The following ERBB4 variants were observed in gnomAD, a reference collection of about 807,000 sequenced individuals.
The protein encoded by ERBB4 is erb-b2 receptor tyrosine kinase 4, also known as receptor tyrosine-protein kinase erbB-4.
A neutral mutation model predicts 158.0 loss-of-function variants in ERBB4; 42 were observed. That is an observed-to-expected ratio of 0.27 (90% CI 0.21 to 0.34). The LOEUF is 0.34. ERBB4 is among the 10% of genes least tolerant of loss of function. The pLI, the probability that ERBB4 is intolerant of heterozygous loss-of-function variation, is 1.00. For missense variants in ERBB4, 1,333 were observed against 1,624.1 expected (o/e 0.82, Z 3.08); for synonymous variants, 583 against 558.7 (o/e 1.04, Z -0.61).
chr2:212,140,087 T>C (rs1374626345), intron 1 of ERBB4, among the ~76,000 whole-genome samples: 1 of 151,712 alleles, frequency 6.6e-6, no homozygotes, highest in Non-Finnish European at 1.5e-5. Context: ...AGTCAAATAA[T>C]GACTATAGAA....
chr2:211,702,319 TAC>T (rs1337955264), intron 11 of ERBB4, among the ~76,000 whole-genome samples, 153 bp from the exon 12 acceptor site: 1 of 152,218 alleles, frequency 6.6e-6, no homozygotes, highest in Admixed American at 6.5e-5. Context: ...ACATGCTATA[TAC>T]AGTTTTTAAA....
At chr2:212,375,129 A>G (rs1315777894) in intron 1 of ERBB4, among the ~76,000 whole-genome samples, 1 of 152,038 alleles carries the variant, frequency 6.6e-6, no homozygotes, top group Non-Finnish European at 1.5e-5. Flanking sequence ...CATTACTCTA[A>G]TAAAGCTTAC....
chr2:211,678,915 C>T (rs2072216651), intron 13 of ERBB4, 137 bp downstream of exon 13: 5 of 770,528 alleles, frequency 6.5e-6, no homozygotes, highest in Admixed American at 3.1e-5. Flanking sequence ...TGCAGTGAGC[C>T]GAGATCGTGC....
intron 3 of ERBB4, among the ~76,000 whole-genome samples, chr2:211,855,078 GCT>G (rs768883380): frequency 1.3e-5 from 2 of 151,736 alleles, no homozygotes; most frequent in East Asian, 1.9e-4. Context: ...ACTTTAATTT[GCT>G]TTTTTTTCTG....
At chr2:212,426,974 GT>G (rs1239360032) in intron 1 of ERBB4, among the ~76,000 whole-genome samples, 2 of 152,100 alleles carry the variant, frequency 1.3e-5, no homozygotes, top group Non-Finnish European at 2.9e-5. Flanking sequence ...TACAGGATAA[GT>G]TTTAAAAATG....
chr2:211,508,945 A>ACAAAC (rs112790919), intron 20 of ERBB4, among the ~76,000 whole-genome samples: 2 of 148,906 alleles, frequency 1.3e-5, no homozygotes, highest in Non-Finnish European at 2.9e-5. Context: ...AAACAAACAA[A>ACAAAC]AAAACAAAAC....
intron 1 of ERBB4, among the ~76,000 whole-genome samples, chr2:212,295,486 G>A (rs10932429): frequency 0.52 from 79,208 of 151,924 alleles, 25,061 homozygotes; most frequent in East Asian, 0.83. Flanking sequence ...AAAAGAAAAC[G>A]TATGCATATG....
At chr2:211,869,843 G>A (rs2078298818) in intron 3 of ERBB4, among the ~76,000 whole-genome samples, 2 of 152,022 alleles carry the variant, frequency 1.3e-5, no homozygotes, top group African/African-American at 4.8e-5. Flanking sequence ...ACTCTCAACA[G>A]AAGTTTCTTC....
In ERBB4 at chr2:212,154,635, G is replaced by A. The variant is rs116436605; in HGVS notation, c.83-29732C>T. Among the ~76,000 whole-genome samples, 553 of 136,258 alleles carry A rather than the reference G, an allele frequency of 4.1e-3. 4 individuals are homozygous for A. Among genetic ancestry groups the A allele is most frequent in the African/African-American group, 0.013 (528 of 41,048 alleles). The allele number at this position is 136,258 out of a possible 152,430, so 89.4% of individuals were successfully genotyped here. A position where few individuals can be genotyped will look rare whatever the true frequency, so the allele number is the denominator to read the frequency against. ...TGCCGCCTGTCTCTTCCCTGCAAGT[G>A]GCAGTGAAGGTCAGTGAATCTAATT... is the stretch of plus-strand genomic sequence containing the variant. On this transcript the variant is annotated intron_variant, in intron 1 of 27. Transcript: ENST00000342788.
At chr2:211,987,380 T>G (rs976671982) in intron 2 of ERBB4, among the ~76,000 whole-genome samples, 4 of 151,634 alleles carry the variant, frequency 2.6e-5, no homozygotes, top group Non-Finnish European at 4.4e-5. Flanking sequence ...TTTTATTTTA[T>G]TTATCAAAAA....
At chr2:212,407,455 G>C (rs961187875) in intron 1 of ERBB4, among the ~76,000 whole-genome samples, 1 of 151,914 alleles carries the variant, frequency 6.6e-6, no homozygotes, top group East Asian at 1.9e-4. Context: ...TTAGTAAACC[G>C]TCTAAGGTTA....
rs145737654 is a variant in ERBB4, at chr2:211,694,271, G to C, written c.1489+7696C>G. Among the ~76,000 whole-genome samples, 578 of 152,172 alleles carry C rather than the reference G, an allele frequency of 3.8e-3. 2 individuals carry two copies. Among genetic ancestry groups the C allele is most frequent in the African/African-American group, 0.013 (531 of 41,534 alleles). ...GCTTTTGCATTTTTAATAATTATAA[G>C]TTTTACTTTAAAATTTTGCAACCAC... is the stretch of plus-strand genomic sequence containing the variant. On this transcript the variant is annotated intron_variant, in intron 12 of 27. Coordinates refer to ENST00000342788, the MANE Select transcript of ERBB4 (RefSeq NM_005235.3).
intron 1 of ERBB4, among the ~76,000 whole-genome samples, chr2:212,284,889 T>C (rs1429271467): frequency 2.0e-5 from 3 of 152,158 alleles, no homozygotes; most frequent in African/African-American, 7.2e-5. Flanking sequence ...GTCCAGAAGT[T>C]CAGTAAGCCT....
intron 1 of ERBB4, among the ~76,000 whole-genome samples, chr2:212,364,947 C>T (rs1021028625): frequency 6.6e-6 from 1 of 150,712 alleles, no homozygotes; most frequent in Non-Finnish European, 1.5e-5. Context: ...GTTTATCAGA[C>T]TGCTAACTGA....
Position 211,459,448 on chromosome 2 carries a change from G to T in ERBB4, c.2488-28348C>A, listed in dbSNP as rs550877234. Among the ~76,000 whole-genome samples the T allele has an allele frequency of 2.6e-5, 4 of 152,298 alleles. No homozygotes were observed. In the East Asian group the frequency reaches 7.7e-4, roughly 29 times the overall value. On this transcript the variant is annotated intron_variant, in intron 20 of 27. Coordinates refer to ENST00000342788, the MANE Select transcript of ERBB4 (RefSeq NM_005235.3). ...CATTTGTCCCTAGGGAGGTGATACG[G>T]TTTAGCTGTGTCCTCACCCAAATGT...
intron 1 of ERBB4, among the ~76,000 whole-genome samples, chr2:212,254,802 T>C (rs1459544568): frequency 6.6e-6 from 1 of 152,136 alleles, no homozygotes; most frequent in Non-Finnish European, 1.5e-5. Flanking sequence ...AAAGGTCTGA[T>C]TTCACAAGAG....
intron 2 of ERBB4, among the ~76,000 whole-genome samples, chr2:211,992,522 A>C (rs1265703159): frequency 6.7e-6 from 1 of 149,228 alleles, no homozygotes; most frequent in Non-Finnish European, 1.5e-5. Context: ...GTGAGGGAAG[A>C]AGAGAGGGAG....
At chr2:211,740,038 C>T (rs1376117130) in intron 5 of ERBB4, among the ~76,000 whole-genome samples, 2 of 152,096 alleles carry the variant, frequency 1.3e-5, no homozygotes, top group Admixed American at 1.3e-4. Flanking sequence ...CCCTCATCCT[C>T]TCTGTTTTCT....
intron 2 of ERBB4, among the ~76,000 whole-genome samples, chr2:212,058,316 A>C (rs918833350): frequency 8.5e-5 from 13 of 152,192 alleles, no homozygotes; most frequent in Non-Finnish European, 1.5e-4. Context: ...CCACCCAAAA[A>C]AAGTCCAGGA....
Sources: allele counts gnomAD v4.1 joint callset (sites outside exome capture counted in the v4.1 genomes callset), GRCh38; gene constraint gnomAD v4.1.1; transcripts MANE v1.5; gene names NCBI Gene and HGNC (gene_info 2026-07-23, HGNC 2026-07-21).